NCK2: variants seen among roughly 807,000 people sequenced by gnomAD.
NCK2 encodes cytoplasmic protein NCK2.
A neutral mutation model predicts 33.9 loss-of-function variants in NCK2; 16 were observed. The ratio of observed to expected loss-of-function variants is 0.47; its 90% CI spans 0.32 to 0.72. The LOEUF is 0.72. Among genes scored for constraint, NCK2 ranks in the 30% least tolerant of loss-of-function variants. The pLI is 0.03. For synonymous variants in NCK2, 273 were observed against 239.9 expected, an observed-to-expected ratio of 1.14 and a Z score of -1.27; for missense variants, 418 against 537.3, an observed-to-expected ratio of 0.78 and a Z score of 2.19.
At chr2:105,861,056 G>A (rs183540376) in intron 3 of NCK2, among the ~76,000 whole-genome samples, 2 of 151,946 alleles carry the variant, frequency 1.3e-5, no homozygotes, top group Admixed American at 6.6e-5. Context: ...CAGCAGTGAA[G>A]GTAACAATTG....
intron 3 of NCK2, among the ~76,000 whole-genome samples, chr2:105,859,648 G>C (rs1159686158): frequency 6.6e-6 from 1 of 152,254 alleles, no homozygotes; most frequent in Non-Finnish European, 1.5e-5. Context: ...GCACCCGTGG[G>C]TGAAATTGAC....
intron 1 of NCK2, among the ~76,000 whole-genome samples, chr2:105,813,302 C>A (rs1387103102): frequency 2.6e-5 from 4 of 152,192 alleles, no homozygotes; most frequent in African/African-American, 9.7e-5. Context: ...TTCCCTGAGC[C>A]TCCTGAAGGC....
At chr2:105,812,083 CA>C (rs1200129960) in intron 1 of NCK2, among the ~76,000 whole-genome samples, 1 of 152,142 alleles carries the variant, frequency 6.6e-6, no homozygotes, top group Non-Finnish European at 1.5e-5. Flanking sequence ...TACTAACCAG[CA>C]TTAATATATG....
intron 1 of NCK2, among the ~76,000 whole-genome samples, chr2:105,788,141 G>C (rs532071270): frequency 1.3e-5 from 2 of 152,192 alleles, no homozygotes; most frequent in Non-Finnish European, 2.9e-5. Flanking sequence ...GGGATTAGAA[G>C]TGAGAGTTGG....
At chr2:105,890,765 T>C (rs1481294462) in intron 4 of NCK2, among the ~76,000 whole-genome samples, 1 of 152,248 alleles carries the variant, frequency 6.6e-6, no homozygotes, top group Non-Finnish European at 1.5e-5. Context: ...TCCCCTGAGT[T>C]GTCATTGGTA....
intron 2 of NCK2, among the ~76,000 whole-genome samples, chr2:105,821,572 G>A (rs1376317646): frequency 6.6e-6 from 1 of 152,172 alleles, no homozygotes; most frequent in Admixed American, 6.5e-5. Flanking sequence ...TGCCCAGTAA[G>A]TATTGACAGC....
At chr2:105,832,354 A>G (rs1307375212) in intron 2 of NCK2, among the ~76,000 whole-genome samples, 5 of 152,186 alleles carry the variant, frequency 3.3e-5, no homozygotes, top group Non-Finnish European at 7.3e-5. Flanking sequence ...ATTATAAACA[A>G]TACATTGAAT....
intron 4 of NCK2, among the ~76,000 whole-genome samples, chr2:105,889,589 T>A (rs78887212): frequency 0.39 from 57,011 of 145,620 alleles, 10,828 homozygotes; most frequent in South Asian, 0.51. Flanking sequence ...TTTTTTTTTT[T>A]TTTAATTATT....
intron 1 of NCK2, among the ~76,000 whole-genome samples, chr2:105,802,568 C>T (rs539751357): frequency 7.9e-5 from 12 of 152,224 alleles, no homozygotes; most frequent in South Asian, 2.1e-4. Flanking sequence ...GGCGAGAACA[C>T]GGAAGCAAGA....
intron 3 of NCK2, 22 bp from the exon 4 acceptor site, chr2:105,881,306 G>T (rs1325545546): frequency 3.2e-6 from 5 of 1,563,276 alleles, no homozygotes; most frequent in Non-Finnish European, 4.3e-6. Flanking sequence ...CTGCGCCACT[G>T]AGCCTTGCTG....
rs184088755 is a variant in NCK2 at position 105,801,509 on chromosome 2, A to G, written c.-200-14921A>G. Among the ~76,000 whole-genome samples the G allele has an allele frequency of 3.2e-3, 489 of 152,136 alleles. 3 individuals carry two copies. The highest frequency in any genetic ancestry group is 2.7e-3 in the Non-Finnish European group (183 of 68,000). On this transcript the variant is annotated intron_variant, in intron 1 of 4. Transcript: ENST00000233154. The stretch of plus-strand genomic sequence containing the variant: ...GAAAGACTGAGGGACAAAGCATGAC[A>G]GAGACCTTTGTCACGTGCTGGCTGT...
chr2:105,808,582 C>T (rs1675173631), intron 1 of NCK2, among the ~76,000 whole-genome samples: 1 of 152,168 alleles, frequency 6.6e-6, no homozygotes, highest in South Asian at 2.1e-4. Flanking sequence ...AATGCCAGGG[C>T]TGGGGAGCAC....
chr2:105,788,366 C>A (rs765372218), intron 1 of NCK2, among the ~76,000 whole-genome samples: 1 of 152,100 alleles, frequency 6.6e-6, no homozygotes, highest in Non-Finnish European at 1.5e-5. Context: ...TTTCTATCAA[C>A]GCCATTTAGA....
In NCK2 at chr2:105,893,172, A is replaced by G; in HGVS notation, c.1139A>G (p.Gln380Arg). 1 of 1,591,168 alleles carries G rather than the reference A, an allele frequency of 6.3e-7. No homozygotes were observed. ...AAGCTCTACCTCGTCAGGGCCCTGC[A>G]GTGACGGCGCCCCGGCCCCACACTC... ...GEKLYLVRAL[Q>R] is the part of the protein sequence containing the mutation. The change falls in exon 5 of 5, where the codon CAG becomes CGG. Residue 380 changes from glutamine to arginine, a missense_variant. Gln to Arg is a conservative substitution (Grantham distance 43, BLOSUM62 1). Coordinates refer to ENST00000233154, the MANE Select transcript of NCK2 (RefSeq NM_003581.5).
intron 1 of NCK2, among the ~76,000 whole-genome samples, chr2:105,787,602 G>A (rs1270960762): frequency 6.6e-6 from 1 of 152,090 alleles, no homozygotes; most frequent in Non-Finnish European, 1.5e-5. Context: ...CCCAGCCTGT[G>A]GTCTTTTGTT....
At chr2:105,830,430 A>G (rs1486735608) in intron 2 of NCK2, among the ~76,000 whole-genome samples, 1 of 152,168 alleles carries the variant, frequency 6.6e-6, no homozygotes, top group Admixed American at 6.5e-5. Context: ...CTGGCTGAAT[A>G]GTATTCCACT....
At chr2:105,747,223 G>T (rs1203284929) in intron 1 of NCK2, among the ~76,000 whole-genome samples, 1 of 152,014 alleles carries the variant, frequency 6.6e-6, no homozygotes, top group East Asian at 1.9e-4. Flanking sequence ...TTACATTTTC[G>T]GTTATTTAGC....
intron 2 of NCK2, among the ~76,000 whole-genome samples, chr2:105,830,671 G>GT (rs1491152518): frequency 4.4e-5 from 1 of 22,618 alleles, no homozygotes. Flanking sequence ...CAGGAATTTG[G>GT]TGTGTGTGTG....
chr2:105,782,448 A>G (rs1342994801), intron 1 of NCK2, among the ~76,000 whole-genome samples: 1 of 152,230 alleles, frequency 6.6e-6, no homozygotes, highest in Non-Finnish European at 1.5e-5. Flanking sequence ...AACAGTCTAT[A>G]TAATGAACGC....
Sources: gnomAD v4.1 joint callset for allele counts (sites outside exome capture counted in the v4.1 genomes callset) on GRCh38, gnomAD v4.1.1 for gene constraint, MANE v1.5 for transcripts, NCBI Gene and HGNC (gene_info 2026-07-23, HGNC 2026-07-21) for gene names.